FAM135B: variants seen among roughly 807,000 people sequenced by gnomAD.
The protein encoded by FAM135B is family with sequence similarity 135 member B.
In FAM135B, 43 loss-of-function variants were observed where a neutral mutation model predicts 127.7. That is an observed-to-expected ratio of 0.34 (90% confidence interval 0.26 to 0.43). FAM135B has a LOEUF of 0.43. Among genes scored for constraint, FAM135B ranks in the 20% least tolerant of loss-of-function variants. FAM135B has a pLI of 1.00. For missense variants in FAM135B, 1,558 were observed against 1,725.6 expected, an observed-to-expected ratio of 0.90 and a Z score of 1.72; for synonymous variants, 670 against 665.1, an observed-to-expected ratio of 1.01 and a Z score of -0.11.
chr8:138,426,935 T>C (rs111943543), intron 1 of FAM135B, among the ~76,000 whole-genome samples: 9 of 152,198 alleles, frequency 5.9e-5, no homozygotes, highest in African/African-American at 2.2e-4. Context: ...TGAAGTTTTC[T>C]GAACCTTGAC....
chr8:138,448,348 G>T (rs1013236910), intron 1 of FAM135B, among the ~76,000 whole-genome samples: 9 of 152,188 alleles, frequency 5.9e-5, no homozygotes, highest in Admixed American at 3.3e-4. Flanking sequence ...TCAGTTGAAG[G>T]CCCCAATAGA....
chr8:138,298,285 A>G (rs954802), intron 3 of FAM135B, among the ~76,000 whole-genome samples: 55,303 of 152,014 alleles, frequency 0.36, 10,527 homozygotes, highest in African/African-American at 0.46. Context: ...TATATAATAA[A>G]TTAACTGAAG....
intron 3 of FAM135B, among the ~76,000 whole-genome samples, chr8:138,305,631 A>C (rs1343984055): frequency 6.6e-6 from 1 of 152,204 alleles, no homozygotes; most frequent in Admixed American, 6.5e-5. Context: ...ATCTTCCTGG[A>C]ATACCTGAAC....
At chr8:138,269,686 C>T (rs1217085568) in intron 3 of FAM135B, among the ~76,000 whole-genome samples, 1 of 152,198 alleles carries the variant, frequency 6.6e-6, no homozygotes, top group Non-Finnish European at 1.5e-5. Context: ...AGACTTGTCC[C>T]CACTTTCCAG....
intron 17 of FAM135B, among the ~76,000 whole-genome samples, chr8:138,139,579 C>T (rs1428529831): frequency 6.6e-6 from 1 of 152,098 alleles, no homozygotes; most frequent in Non-Finnish European, 1.5e-5. Flanking sequence ...TCGAGACCAG[C>T]CTGGATAAAA....
At position 138,198,947 on chromosome 8, in the gene FAM135B, C is replaced by T. The variant is rs6577882; in HGVS notation, c.670-1278G>A. 3.3e-5 allele frequency among the ~76,000 whole-genome samples: 5 copies of T among 152,034 alleles called. No homozygotes were observed. The South Asian group carries it at 1.0e-3, about 32-fold the overall frequency. Reference sequence around the variant, plus strand: ...TCACATGGCCGTGACGGGAGGAGGCCGTGGCTCTTCATGTTCCCAGGCCAC... The same window carrying T: ...TCACATGGCCGTGACGGGAGGAGGCTGTGGCTCTTCATGTTCCCAGGCCAC... On this transcript the variant is annotated intron_variant, in intron 7 of 19. Coordinates refer to ENST00000395297, the MANE Select transcript of FAM135B (RefSeq NM_015912.4).
chr8:138,260,352 T>G (rs1822447769), intron 4 of FAM135B, among the ~76,000 whole-genome samples: 1 of 152,122 alleles, frequency 6.6e-6, no homozygotes, highest in South Asian at 2.1e-4. Flanking sequence ...GAGCAGAATA[T>G]CTGTGTCAGT....
rs574668874 is a variant in FAM135B, at chr8:138,142,956, A to G, written c.3638+56T>C. 5 of 887,728 alleles carry G rather than the reference A, an allele frequency of 5.6e-6. No homozygotes were observed. The Admixed American group carries it at 6.9e-5, about 12-fold the overall frequency. 55.0% of individuals were successfully genotyped at this position (887,728 alleles called of 1,614,324 possible). A position where few individuals can be genotyped will look rare whatever the true frequency, so the allele number is the denominator to read the frequency against. On this transcript the variant is annotated intron_variant, in intron 16 of 19. Transcript: ENST00000395297. ...ATATTATTGCTTTTATACAGCAAAC[A>G]CTCAAAAATGTCCCCCCTCTTCCCC...
chr8:138,297,740 G>A (rs1781391269), intron 3 of FAM135B, among the ~76,000 whole-genome samples: 1 of 152,204 alleles, frequency 6.6e-6, no homozygotes, highest in Non-Finnish European at 1.5e-5. Flanking sequence ...AGTGCCAGGG[G>A]CACAAGGGGA....
At chr8:138,440,658 T>G (rs1835707221) in intron 1 of FAM135B, 1 of 152,098 alleles carries the variant, frequency 6.6e-6, no homozygotes, top group African/African-American at 2.4e-5. Flanking sequence ...ACCCAATACT[T>G]TTTTGACATG....
In FAM135B at chr8:138,256,752, T is replaced by A. The variant is rs199905964; in HGVS notation, c.305A>T (p.Asp102Val). The change falls in exon 5 of 20, where the codon GAC (aspartate) becomes GTC (valine). Residue 102 changes from aspartate to valine, a missense_variant. By Grantham distance (152) the Asp-to-Val change is radical. Transcript: ENST00000395297. ...HLLLGGERME[D>V]ALSEVDFQLK... ...TTGAAAATCTACTTCACTCAGTGCGTCTTCCATCTGCAAAAGAAACAAAGT... is the reference window on the plus strand; with the variant it reads ...TTGAAAATCTACTTCACTCAGTGCGACTTCCATCTGCAAAAGAAACAAAGT... The A allele has an allele frequency of 3.7e-5, 60 of 1,613,566 alleles. No homozygotes were observed. Among genetic ancestry groups the A allele is most frequent in the Non-Finnish European group, 1.3e-5 (15 of 1,179,752 alleles).
Position 138,368,073 on chromosome 8 carries a change from C to T in FAM135B, c.-19-71G>A, listed in dbSNP as rs1003664018. On this transcript the variant is annotated intron_variant, in intron 1 of 19. Transcript: ENST00000395297. ...CTCAGAAAGAACCTGGCTTTTACAA[C>T]AGGAAACCAATCTGACCAACAGGAC... 14 of 1,061,894 alleles carry T rather than the reference C, an allele frequency of 1.3e-5. No homozygotes were observed. In the African/African-American group the frequency reaches 1.9e-4, roughly 14 times the overall value. The allele number at this position is 1,061,894 out of a possible 1,614,324, so 65.8% of individuals were successfully genotyped here.
At position 138,197,679 on chromosome 8, in the gene FAM135B, G is replaced by A. The variant is rs771670088; in HGVS notation, c.670-10C>T. 8 of 1,611,388 alleles carry A rather than the reference G, an allele frequency of 5.0e-6. No individual in the cohort carries two copies. The South Asian group carries it at 7.7e-5, about 15-fold the overall frequency. On this transcript the variant is annotated splice_polypyrimidine_tract_variant and intron_variant, in intron 7 of 19. Coordinates refer to ENST00000395297, the MANE Select transcript of FAM135B (RefSeq NM_015912.4). ...TGATGTAGAAGCTTCCCTAAGGGGT[G>A]AAACAGAAACAGAGGCTGAGGAATA...
At chr8:138,483,381 G>A (rs554436525) in intron 1 of FAM135B, among the ~76,000 whole-genome samples, 12 of 152,320 alleles carry the variant, frequency 7.9e-5, no homozygotes, top group African/African-American at 2.4e-4. Flanking sequence ...CAACCCACAG[G>A]CTGTCAGGCC....
At chr8:138,236,475 C>T (rs935909982) in intron 7 of FAM135B, among the ~76,000 whole-genome samples, 11 of 151,938 alleles carry the variant, frequency 7.2e-5, no homozygotes, top group African/African-American at 2.4e-4. Context: ...CAAAGAAGGA[C>T]GAAAGGTATC....
intron 9 of FAM135B, among the ~76,000 whole-genome samples, chr8:138,189,404 C>T (rs370420064): frequency 4.0e-4 from 61 of 152,340 alleles, no homozygotes; most frequent in African/African-American, 1.4e-3. Flanking sequence ...CAAACAAGAG[C>T]TCGCGTACCA....
At chr8:138,462,861 A>G (rs980961630) in intron 1 of FAM135B, among the ~76,000 whole-genome samples, 2 of 152,232 alleles carry the variant, frequency 1.3e-5, no homozygotes, top group African/African-American at 4.8e-5. Context: ...GTCAACGCCC[A>G]GCCCATGGCT....
intron 2 of FAM135B, among the ~76,000 whole-genome samples, chr8:138,332,794 T>C (rs913658076): frequency 2.0e-5 from 3 of 152,026 alleles, no homozygotes; most frequent in Non-Finnish European, 2.9e-5. Context: ...AGTTGTTGAG[T>C]TACACCCAAA....
intron 3 of FAM135B, among the ~76,000 whole-genome samples, chr8:138,299,586 T>TACACACAC (rs200452928): frequency 3.5e-5 from 5 of 142,940 alleles, no homozygotes; most frequent in South Asian, 2.3e-4. Flanking sequence ...CATACACACA[T>TACACACAC]ACACACACAC....
Sources: gnomAD v4.1 joint callset for allele counts (sites outside exome capture counted in the v4.1 genomes callset) on GRCh38, gnomAD v4.1.1 for gene constraint, MANE v1.5 for transcripts, NCBI Gene and HGNC (gene_info 2026-07-23, HGNC 2026-07-21) for gene names.